The following ATRNL1 variants were observed in gnomAD, a reference collection of about 807,000 sequenced individuals.
The protein encoded by ATRNL1 is attractin-like protein 1.
A neutral mutation model predicts 182.7 loss-of-function variants in ATRNL1; 95 were observed. The ratio of observed to expected loss-of-function variants is 0.52; its 90% CI spans 0.44 to 0.62. The LOEUF is 0.62. Ranked by LOEUF, ATRNL1 falls within the 20% of genes least tolerant of loss-of-function variation. ATRNL1 has a pLI of 0.00. For synonymous variants in ATRNL1, 576 were observed against 568.3 expected (o/e 1.01, Z -0.19); for missense variants, 1,471 against 1,679.5 (o/e 0.88, Z 2.17).
chr10:115,820,905 G>T (rs1350415373), intron 27 of ATRNL1, among the ~76,000 whole-genome samples: 1 of 152,088 alleles, frequency 6.6e-6, no homozygotes, highest in Non-Finnish European at 1.5e-5. Flanking sequence ...GGCAGGACCT[G>T]GTGGGAGGTG....
intron 26 of ATRNL1, among the ~76,000 whole-genome samples, chr10:115,594,058 G>A (rs1856078508): frequency 6.6e-6 from 1 of 151,918 alleles, no homozygotes; most frequent in South Asian, 2.1e-4. Flanking sequence ...TATATCAGCT[G>A]TGACATAATT....
At chr10:115,889,809 A>G (rs1360408452) in intron 28 of ATRNL1, among the ~76,000 whole-genome samples, 2 of 152,204 alleles carry the variant, frequency 1.3e-5, no homozygotes, top group Non-Finnish European at 2.9e-5. Flanking sequence ...TAATCTACCC[A>G]TTATAATCCC....
intron 28 of ATRNL1, among the ~76,000 whole-genome samples, chr10:115,896,738 C>T (rs187454174): frequency 7.9e-5 from 12 of 152,160 alleles, no homozygotes; most frequent in African/African-American, 2.9e-4. Flanking sequence ...GGAAGGATGA[C>T]TTTTCAATAG....
At chr10:115,644,238 C>T (rs1177833357) in intron 26 of ATRNL1, among the ~76,000 whole-genome samples, 2 of 152,182 alleles carry the variant, frequency 1.3e-5, no homozygotes, top group Admixed American at 6.6e-5. Flanking sequence ...GATTCCCCAG[C>T]AGCCTGAACC....
rs180761477 is a variant in ATRNL1 at position 115,166,419 on chromosome 10, G to C, written c.1092+774G>C. Among the ~76,000 whole-genome samples the C allele has an allele frequency of 3.3e-5, 5 of 151,492 alleles. No homozygotes were observed. The East Asian group carries it at 7.8e-4, about 24-fold the overall frequency. On this transcript the variant is annotated intron_variant, in intron 7 of 28. Coordinates refer to ENST00000355044, the MANE Select transcript of ATRNL1 (RefSeq NM_207303.4). ...TTCATTTTTTTTTGGTGTATACCCA[G>C]AAGTGGAATTGCTAAATCGTATGGT...
At chr10:115,151,370 C>G (rs1366166124) in intron 5 of ATRNL1, among the ~76,000 whole-genome samples, 1 of 152,196 alleles carries the variant, frequency 6.6e-6, no homozygotes, top group East Asian at 1.9e-4. Flanking sequence ...TCTCCACATT[C>G]TCTCCAGCAC....
intron 8 of ATRNL1, among the ~76,000 whole-genome samples, chr10:115,187,174 A>ATTT (rs34825200): frequency 1.1e-4 from 15 of 141,802 alleles, no homozygotes; most frequent in African/African-American, 2.2e-4. Context: ...TCTGGGAATA[A>ATTT]TTTTTTTTTT....
At chr10:115,355,584 A>AT (rs1554942586) in intron 19 of ATRNL1, among the ~76,000 whole-genome samples, 1 of 152,130 alleles carries the variant, frequency 6.6e-6, no homozygotes, top group Non-Finnish European at 1.5e-5. Context: ...AATTATTTGT[A>AT]AAACAAAAGA....
At chr10:115,940,700 CTCTCTCTCTCTCTT>C (rs1555124040) in intron 28 of ATRNL1, among the ~76,000 whole-genome samples, 2 of 49,744 alleles carry the variant, frequency 4.0e-5, no homozygotes, top group Non-Finnish European at 7.6e-5. Flanking sequence ...TCTCTCTCTT[CTCTCTCTCTCTCTT>C]TTAGTGAGTC....
At chr10:115,614,502 C>T (rs1262352717) in intron 26 of ATRNL1, among the ~76,000 whole-genome samples, 2 of 152,112 alleles carry the variant, frequency 1.3e-5, no homozygotes, top group African/African-American at 4.8e-5. Context: ...TTTTCTGCAG[C>T]TCTTGGCTGA....
intron 26 of ATRNL1, among the ~76,000 whole-genome samples, chr10:115,571,024 A>G (rs375625827): frequency 7.9e-5 from 12 of 152,206 alleles, no homozygotes; most frequent in African/African-American, 2.7e-4. Flanking sequence ...GGCCAGCTTC[A>G]CTGGGGATGG....
intron 28 of ATRNL1, among the ~76,000 whole-genome samples, chr10:115,900,631 A>T (rs1952326295): frequency 6.6e-6 from 1 of 152,228 alleles, no homozygotes; most frequent in Admixed American, 6.5e-5. Flanking sequence ...CATTTTGTAG[A>T]TAGCACTGAG....
intron 8 of ATRNL1, among the ~76,000 whole-genome samples, chr10:115,214,801 A>G (rs1849166795): frequency 6.6e-6 from 1 of 152,108 alleles, no homozygotes; most frequent in African/African-American, 2.4e-5. Context: ...TGGTGTTTTT[A>G]TTAGTGAAAC....
intron 27 of ATRNL1, among the ~76,000 whole-genome samples, chr10:115,749,534 G>A (rs1948388661): frequency 6.6e-6 from 1 of 151,718 alleles, no homozygotes; most frequent in African/African-American, 2.4e-5. Context: ...AAACTCACGT[G>A]TTTTATTTTT....
At chr10:115,514,696 G>T (rs782241593) in intron 24 of ATRNL1, among the ~76,000 whole-genome samples, 1 of 151,866 alleles carries the variant, frequency 6.6e-6, no homozygotes, top group Non-Finnish European at 1.5e-5. Context: ...TTAAATTAAA[G>T]AAATGCCAAA....
At chr10:115,178,595 C>T (rs564145823) in intron 8 of ATRNL1, among the ~76,000 whole-genome samples, 52 of 152,198 alleles carry the variant, frequency 3.4e-4, no homozygotes, top group African/African-American at 8.9e-4. Context: ...ATCCCCATTG[C>T]GGTAGTATTA....
chr10:115,114,264 A>G (rs1279326665), intron 1 of ATRNL1, among the ~76,000 whole-genome samples: 4 of 152,230 alleles, frequency 2.6e-5, no homozygotes, highest in Admixed American at 6.5e-5. Context: ...AAAATGGATT[A>G]AAGATTTAAA....
At chr10:115,189,685 T>C (rs1191896966) in intron 8 of ATRNL1, among the ~76,000 whole-genome samples, 1 of 152,100 alleles carries the variant, frequency 6.6e-6, no homozygotes, top group Admixed American at 6.6e-5. Flanking sequence ...AGTTAAAAAA[T>C]TAAAAAGTTT....
At chr10:115,905,137 G>T (rs2615874) in intron 28 of ATRNL1, among the ~76,000 whole-genome samples, 94,297 of 152,134 alleles carry the variant, frequency 0.62, 33,835 homozygotes, top group East Asian at 0.95. Flanking sequence ...AAAGTAATTA[G>T]TCTAGTGCCC....
Sources: allele counts gnomAD v4.1 joint callset (sites outside exome capture counted in the v4.1 genomes callset), GRCh38; gene constraint gnomAD v4.1.1; transcripts MANE v1.5; gene names NCBI Gene and HGNC (gene_info 2026-07-23, HGNC 2026-07-21).